Variants in GNL3L observed in about 807,000 individuals in gnomAD.
GNL3L encodes the protein G protein nucleolar 3 like, also known as guanine nucleotide-binding protein-like 3-like protein.
In GNL3L, 4 loss-of-function variants were observed where a neutral mutation model predicts 42.9. The observed-to-expected ratio is 0.09, with a 90% CI of 0.05 to 0.21. GNL3L has a LOEUF of 0.21. Ranked by LOEUF, GNL3L falls within the 10% of genes least tolerant of loss-of-function variation. The pLI is 1.00. For missense variants in GNL3L, 412 were observed against 481.7 expected, an observed-to-expected ratio of 0.86 and a Z score of 1.36; for synonymous variants, 159 against 176.3, an observed-to-expected ratio of 0.90 and a Z score of 0.78.
At position 54,558,593 on chromosome X, in the gene GNL3L, T is replaced by C. The variant is rs1189041581; in HGVS notation, c.1604T>C (p.Leu535Pro). The change falls in exon 15 of 16, where the codon CTG becomes CCG. Residue 535 changes from leucine (L) to proline (P), a missense_variant. By Grantham distance (98) the Leu-to-Pro change is moderately conservative. Coordinates refer to ENST00000360845, the MANE Select transcript of GNL3L (RefSeq NM_001184819.2). ...CAGAGGATCATGGAGACGGACCCCC[T>C]GCAACAGGGCCAGGCTCTGGCATCT... ...VLQRIMETDP[L>P]QQGQALASAL... 1 of 1,210,600 alleles carries C rather than the reference T, an allele frequency of 8.3e-7. No homozygotes were observed. The highest frequency in any genetic ancestry group is 1.1e-6 in the Non-Finnish European group (1 of 894,671).
At chrX:54,530,974 A>C (rs970887594) in intron 1 of GNL3L, among the ~76,000 whole-genome samples, 5 of 111,975 alleles carry the variant, frequency 4.5e-5, no homozygotes, top group Non-Finnish European at 7.5e-5. Flanking sequence ...GGTTGCAGTT[A>C]CAGGCCTCAG....
At chrX:54,568,593 G>A (rs1196587713), downstream of GNL3L, among the ~76,000 whole-genome samples, 2 of 103,531 alleles carry the variant, frequency 1.9e-5, no homozygotes, top group Admixed American at 1.1e-4. Context: ...ACACACTGTC[G>A]CCCAGGCTGT....
chrX:54,585,301 C>T (rs1925769130), intron 16 of GNL3L, among the ~76,000 whole-genome samples: 1 of 110,532 alleles, frequency 9.0e-6, no homozygotes, highest in African/African-American at 3.3e-5. Flanking sequence ...AGTATTTTCC[C>T]TTATTTTTTT....
At chrX:54,622,062 A>G (rs182302410), downstream of GNL3L, among the ~76,000 whole-genome samples, 1 of 110,645 alleles carries the variant, frequency 9.0e-6, no homozygotes, top group East Asian at 2.9e-4. Context: ...GAGTGCTTAT[A>G]TTTGACAGAG....
rs775529025 is a variant in GNL3L, at chrX:54,544,341, A to G, written c.630+15A>G. The G allele has an allele frequency of 1.1e-5, 10 of 928,386 alleles. No individual in the cohort carries two copies. Among genetic ancestry groups the G allele is most frequent in the Non-Finnish European group, 9.3e-6 (6 of 642,180 alleles). 76.5% of individuals were successfully genotyped at this position (928,386 alleles called of 1,213,427 possible). ...TCAAAAACCTGGTAAGCCTGGGGCT[A>G]GGGTCATCTAGCCGCTTTCAGGGTA... On this transcript the variant is annotated intron_variant, in intron 8 of 15. Transcript: ENST00000360845.
At chrX:54,596,479 C>T (rs764386166) in intron 16 of GNL3L, among the ~76,000 whole-genome samples, 8 of 111,826 alleles carry the variant, frequency 7.2e-5, no homozygotes, top group African/African-American at 2.6e-4. Flanking sequence ...CCCCTATAGC[C>T]ACCACCAGTA....
chrX:54,532,451 C>T (rs1924280322), intron 1 of GNL3L, 69 bp from the exon 2 acceptor site: 1 of 613,045 alleles, frequency 1.6e-6, no homozygotes, highest in African/African-American at 2.2e-5. Context: ...CTTTAGGGGA[C>T]TTAGGAGGGG....
At position 54,541,336 on chromosome X, in the gene GNL3L, A is replaced by G. The variant is rs374371651; in HGVS notation, c.253A>G (p.Ile85Val). The change falls in exon 5 of 16, where the codon ATT becomes GTT. Residue 85 changes from isoleucine to valine, a missense_variant. Transcript: ENST00000360845. ...REQERQKRRT[I>V]ESYCQDVLRR... ...GCAAGAAAGACAAAAACGCAGGACC[A>G]TTGAGAGCTACTGTCAGGATGTCCT... 4.6e-5 allele frequency: 55 copies of G among 1,207,534 alleles called. No individual in the cohort carries two copies. The highest frequency in any genetic ancestry group is 2.3e-4 in the Middle Eastern group (1 of 4,372).
intron 16 of GNL3L, among the ~76,000 whole-genome samples, chrX:54,595,540 G>A (rs766831101): frequency 1.2e-4 from 13 of 111,237 alleles, no homozygotes; most frequent in African/African-American, 3.6e-4. Context: ...TCTGCATGGC[G>A]TTCTATTCCC....
At chrX:54,577,023 A>G (rs1925645456) in intron 16 of GNL3L, among the ~76,000 whole-genome samples, 2 of 111,611 alleles carry the variant, frequency 1.8e-5, no homozygotes, top group Non-Finnish European at 3.8e-5. Flanking sequence ...ATCTTCACCA[A>G]ATGAAACTCT....
the GNL3L span, among the ~76,000 whole-genome samples, chrX:54,641,308 A>C: frequency 9.0e-6 from 1 of 110,881 alleles, no homozygotes; most frequent in South Asian, 3.9e-4. Flanking sequence ...AAGGCCATAA[A>C]AGTCTGTCCT....
chrX:54,623,497 T>C (rs1194184243), downstream of GNL3L, among the ~76,000 whole-genome samples: 1 of 112,007 alleles, frequency 8.9e-6, no homozygotes. Context: ...ATTCCTGACC[T>C]TGTGATCCGC....
At chrX:54,536,610 C>G (rs1829367546) in intron 2 of GNL3L, among the ~76,000 whole-genome samples, 1 of 108,881 alleles carries the variant, frequency 9.2e-6, no homozygotes, top group African/African-American at 3.3e-5. Flanking sequence ...CATGGCGAAA[C>G]CCCGTCTCTA....
At position 54,558,630 on chromosome X, in the gene GNL3L, T is replaced by G. The variant is rs1242263304; in HGVS notation, c.1641T>G (p.Asn547Lys). The change falls in exon 15 of 16, where the codon AAT becomes AAG. Residue 547 changes from asparagine (N) to lysine (K), a missense_variant. Physicochemically the swap from Asn to Lys is moderately conservative, Grantham distance 94. Transcript: ENST00000360845. ...QGQALASALKNKKKMQKRADK... is the reference protein window; with the variant it reads ...QGQALASALKKKKKMQKRADK... Reference sequence around the variant, plus strand: ...AGGCTCTGGCATCTGCCCTGAAAAATAAGAAGAAGATGCAGAAACGTGCAG... The same window carrying G: ...AGGCTCTGGCATCTGCCCTGAAAAAGAAGAAGAAGATGCAGAAACGTGCAG... 2 of 1,202,733 alleles carry G rather than the reference T, an allele frequency of 1.7e-6. No individual in the cohort carries two copies. The highest frequency in any genetic ancestry group is 3.5e-5 in the African/African-American group (2 of 56,599).
intron 16 of GNL3L, among the ~76,000 whole-genome samples, chrX:54,606,066 G>GT (rs1926056749): frequency 9.0e-6 from 1 of 111,691 alleles, no homozygotes; most frequent in African/African-American, 3.3e-5. Flanking sequence ...AATAATTTCA[G>GT]GAGGGCTTCC....
intron 16 of GNL3L, among the ~76,000 whole-genome samples, chrX:54,588,196 T>C (rs1475247604): frequency 2.7e-5 from 3 of 111,990 alleles, no homozygotes. Context: ...TCTGTATGTC[T>C]CTTATTTCTT....
intron 5 of GNL3L, among the ~76,000 whole-genome samples, chrX:54,542,623 T>A (rs1924656417): frequency 9.0e-6 from 1 of 111,580 alleles, no homozygotes; most frequent in Admixed American, 9.6e-5. Flanking sequence ...AGTAATGGGG[T>A]GGCTGGGTCA....
downstream of GNL3L, among the ~76,000 whole-genome samples, chrX:54,570,487 T>TA (rs1260701029): frequency 8.9e-6 from 1 of 112,279 alleles, no homozygotes; most frequent in African/African-American, 3.2e-5. Flanking sequence ...CTTGCTTTTT[T>TA]ATCCAATTTG....
At chrX:54,617,857 G>A (rs191552492) in intron 16 of GNL3L, among the ~76,000 whole-genome samples, 28 of 111,455 alleles carry the variant, frequency 2.5e-4, no homozygotes, top group Admixed American at 1.3e-3. Context: ...TAAGAAATAC[G>A]TTTCTGTTAT....
Sources: allele counts gnomAD v4.1 joint callset (sites outside exome capture counted in the v4.1 genomes callset), GRCh38; gene constraint gnomAD v4.1.1; transcripts MANE v1.5; gene names NCBI Gene and HGNC (gene_info 2026-07-23, HGNC 2026-07-21).